The following AKR1C8 variants were observed in gnomAD, a reference collection of about 807,000 sequenced individuals.
AKR1C8 encodes aldo-keto reductase family 1 member C8.
At chr10:5,160,962 G>A in the AKR1C8 span, 46,604 of 456,938 alleles carry the variant, frequency 0.1, 2,699 homozygotes, top group Admixed American at 0.16. Context: ...AAGGAGCTCG[G>A]CCAAACAACC....
chr10:5,178,970 CCATTTA>C, the AKR1C8 span, among the ~76,000 whole-genome samples: 1 of 152,122 alleles, frequency 6.6e-6, no homozygotes, highest in Admixed American at 6.6e-5. Context: ...AGCATTTAGT[CCATTTA>C]CATTTAAAGT....
the AKR1C8 span, among the ~76,000 whole-genome samples, chr10:5,129,320 AG>A: frequency 6.6e-6 from 1 of 152,218 alleles, no homozygotes; most frequent in East Asian, 1.9e-4. Context: ...TACATCTAAA[AG>A]TCTGAAACAG....
At chr10:5,175,062 C>T in the AKR1C8 span, among the ~76,000 whole-genome samples, 7 of 151,736 alleles carry the variant, frequency 4.6e-5, no homozygotes, top group Admixed American at 2.0e-4. Flanking sequence ...TGATGTGCTG[C>T]ACCCATTAAC....
the AKR1C8 span, among the ~76,000 whole-genome samples, chr10:5,126,011 A>G: frequency 6.6e-6 from 1 of 152,204 alleles, no homozygotes; most frequent in Non-Finnish European, 1.5e-5. Context: ...TCCAGATAGC[A>G]GGACTTGAGT....
the AKR1C8 span, among the ~76,000 whole-genome samples, chr10:5,117,952 G>T: frequency 6.6e-6 from 1 of 152,026 alleles, no homozygotes; most frequent in Non-Finnish European, 1.5e-5. Flanking sequence ...TGGTTAGGAG[G>T]GTCAAATATG....
At chr10:5,172,904 C>T in the AKR1C8 span, among the ~76,000 whole-genome samples, 12 of 152,192 alleles carry the variant, frequency 7.9e-5, no homozygotes, top group South Asian at 8.3e-4. Flanking sequence ...TTTACATCTG[C>T]TAATTTCCTG....
At chr10:5,156,525 G>GATCTATCT in the AKR1C8 span, among the ~76,000 whole-genome samples, 2,380 of 141,036 alleles carry the variant, frequency 0.017, 51 homozygotes, top group African/African-American at 0.052. Flanking sequence ...GAAAGACTCA[G>GATCTATCT]ATCTATCTAT....
At chr10:5,158,586 G>C in the AKR1C8 span, 1 of 463,110 alleles carries the variant, frequency 2.2e-6, no homozygotes, top group Non-Finnish European at 4.5e-6. Context: ...TTAACTCTTT[G>C]ACATTCTTAT....
the AKR1C8 span, among the ~76,000 whole-genome samples, chr10:5,134,448 T>A: frequency 2.6e-5 from 4 of 152,290 alleles, no homozygotes; most frequent in Non-Finnish European, 4.4e-5. Flanking sequence ...GAAAATAAAG[T>A]CTCCATTTTG....
chr10:5,148,816 C>G, the AKR1C8 span, among the ~76,000 whole-genome samples: 2 of 152,048 alleles, frequency 1.3e-5, no homozygotes, highest in African/African-American at 4.8e-5. Flanking sequence ...GTATGGGGTC[C>G]AGAGAATATA....
chr10:5,120,700 A>G, the AKR1C8 span, among the ~76,000 whole-genome samples: 1 of 152,162 alleles, frequency 6.6e-6, no homozygotes, highest in East Asian at 1.9e-4. Context: ...TTGTTCGTTC[A>G]AAAATGTCTT....
chr10:5,174,062 TAG>T, the AKR1C8 span, among the ~76,000 whole-genome samples: 1 of 152,024 alleles, frequency 6.6e-6, no homozygotes, highest in African/African-American at 2.4e-5. Context: ...CCCAAAGAAT[TAG>T]AGTCAGATAA....
the AKR1C8 span, among the ~76,000 whole-genome samples, chr10:5,166,399 T>C: frequency 6.6e-6 from 1 of 152,170 alleles, no homozygotes; most frequent in Non-Finnish European, 1.5e-5. Flanking sequence ...ACTACAAGGC[T>C]ACAGTACCCA....
the AKR1C8 span, chr10:5,135,119 A>C: frequency 4.7e-6 from 1 of 214,018 alleles, no homozygotes; most frequent in African/African-American, 2.3e-5. Flanking sequence ...TAAATGCCCA[A>C]CACTGAAAAT....
the AKR1C8 span, among the ~76,000 whole-genome samples, chr10:5,171,569 T>C: frequency 2.0e-5 from 3 of 152,054 alleles, no homozygotes; most frequent in Non-Finnish European, 4.4e-5. Context: ...TAATTTTAAA[T>C]TTAATTTTTA....
At chr10:5,143,972 T>C in the AKR1C8 span, among the ~76,000 whole-genome samples, 1 of 152,040 alleles carries the variant, frequency 6.6e-6, no homozygotes, top group Non-Finnish European at 1.5e-5. Context: ...TTCTTAGAGA[T>C]GCATAAACTA....
chr10:5,165,173 C>A, the AKR1C8 span, among the ~76,000 whole-genome samples: 1 of 152,122 alleles, frequency 6.6e-6, no homozygotes, highest in Non-Finnish European at 1.5e-5. Flanking sequence ...AGTGAATACC[C>A]TCCTCCCTCT....
At chr10:5,161,005 C>G in the AKR1C8 span, 1,128 of 414,336 alleles carry the variant, frequency 2.7e-3, 6 homozygotes, top group African/African-American at 0.021. Flanking sequence ...GATTATTAAT[C>G]TGAGTGCACA....
At chr10:5,175,210 C>T in the AKR1C8 span, among the ~76,000 whole-genome samples, 1 of 147,124 alleles carries the variant, frequency 6.8e-6, no homozygotes, top group Non-Finnish European at 1.5e-5. Context: ...CCACCTATGA[C>T]TGAGAATGTG....
Sources: gnomAD v4.1 joint callset for allele counts (sites outside exome capture counted in the v4.1 genomes callset) on GRCh38, gnomAD v4.1.1 for gene constraint, MANE v1.5 for transcripts, NCBI Gene and HGNC (gene_info 2026-07-23, HGNC 2026-07-21) for gene names.